The following RIMBP2 variants were observed in gnomAD, a reference collection of about 807,000 sequenced individuals.
RIMBP2 encodes RIMS binding protein 2.
Under a neutral mutation model 118.6 loss-of-function variants are expected in RIMBP2, and 48 were observed. That is an observed-to-expected ratio of 0.40 (90% confidence interval 0.32 to 0.51). The LOEUF (loss-of-function observed/expected upper bound fraction) is 0.51. RIMBP2 is among the 20% of genes least tolerant of loss of function. The probability of loss-of-function intolerance (pLI) is 0.41; values close to 1 mark genes in which losing one functional copy is unlikely to be tolerated. For synonymous variants in RIMBP2, 762 were observed against 742.9 expected (o/e 1.03, Z -0.42); for missense variants, 1,551 against 1,768.3 (o/e 0.88, Z 2.20).
chr12:130,576,885 AGT>A lies in RIMBP2; in HGVS notation c.-217+51435_-217+51436del, dbSNP rs1209563160. ...TATCTCCATGTAGAAAGAGACCGACAGTGTGGCAGGAGTCGCGGGGTGGAACA... is the reference window on the plus strand; with the variant it reads ...TATCTCCATGTAGAAAGAGACCGACAGTGGCAGGAGTCGCGGGGTGGAACA... On this transcript the variant is annotated intron_variant, in intron 2 of 22. Transcript: ENST00000690449. This position sits in a 1 kb window ranked among gnomAD's most constrained non-coding sequence, Gnocchi z 4.2. Among the ~76,000 whole-genome samples, 1 of 152,180 alleles carries A rather than the reference AGT, an allele frequency of 6.6e-6. No homozygotes were observed.
intron 4 of RIMBP2, among the ~76,000 whole-genome samples, chr12:130,496,730 C>T (rs567557374): frequency 2.0e-5 from 3 of 152,150 alleles, no homozygotes; most frequent in Admixed American, 1.3e-4. Context: ...TTCAGGCACA[C>T]CTTTCTCTCA....
chr12:130,447,308 G>A lies in RIMBP2; in HGVS notation c.582-2039C>T, dbSNP rs568105695. Among the ~76,000 whole-genome samples the A allele has an allele frequency of 5.9e-5, 9 of 151,822 alleles. No homozygotes were observed. In the East Asian group the frequency reaches 7.9e-4, roughly 13 times the overall value. On this transcript the variant is annotated intron_variant, in intron 9 of 22. Transcript: ENST00000690449. This position sits in a 1 kb window ranked among gnomAD's most constrained non-coding sequence, Gnocchi z 4.4. ...ACGGAGAAGAAGTGGGAGATCCTAC[G>A]GCTGTCGTGACAACCTCGTCGGTGC...
chr12:130,697,562 T>A (rs574198329), intron 1 of RIMBP2, among the ~76,000 whole-genome samples: 127 of 152,332 alleles, frequency 8.3e-4, no homozygotes, highest in Non-Finnish European at 1.5e-3. Context: ...TTGGCAGGCC[T>A]TGGCAACTGA....
chr12:130,468,112 G>A, intron 6 of RIMBP2, among the ~76,000 whole-genome samples: 1 of 152,182 alleles, frequency 6.6e-6, no homozygotes, highest in East Asian at 1.9e-4. Context: ...CACACCACAG[G>A]TGGTTCTTTG....
At position 130,414,079 on chromosome 12, in the gene RIMBP2, C is replaced by G. The variant is rs770481985; in HGVS notation, c.3420+46G>C. 63 of 1,599,290 alleles carry G rather than the reference C, an allele frequency of 3.9e-5. 1 individual carries two copies. The highest frequency in any genetic ancestry group is 5.3e-5 in the Non-Finnish European group (62 of 1,167,860). The stretch of plus-strand genomic sequence containing the variant: ...CAGTCTCTGCCCCCATGACCCAGAC[C>G]CGCCTCAGGGGCTGATGAAGCCGCC... On this transcript the variant is annotated intron_variant, in intron 18 of 22. Coordinates refer to ENST00000690449, the MANE Select transcript of RIMBP2 (RefSeq NM_001393629.1).
chr12:130,574,962 C>A (rs113159424), intron 2 of RIMBP2, among the ~76,000 whole-genome samples: 45,375 of 121,682 alleles, frequency 0.37, 8,605 homozygotes, highest in Middle Eastern at 0.45. Context: ...GAATCACACC[C>A]CCCACCGCCA....
intron 1 of RIMBP2, among the ~76,000 whole-genome samples, chr12:130,712,742 G>A (rs528720987): frequency 2.0e-5 from 3 of 152,196 alleles, no homozygotes; most frequent in South Asian, 4.1e-4. Context: ...ATGCATGACT[G>A]TATGTGCTGG....
At chr12:130,563,184 C>G (rs1593810909) in intron 2 of RIMBP2, among the ~76,000 whole-genome samples, 1 of 152,238 alleles carries the variant, frequency 6.6e-6, no homozygotes, top group Non-Finnish European at 1.5e-5. Flanking sequence ...CAAGGACCCA[C>G]CCTGTCAATT....
At chr12:130,610,241 C>G (rs1158828472) in intron 2 of RIMBP2, among the ~76,000 whole-genome samples, 1 of 151,944 alleles carries the variant, frequency 6.6e-6, no homozygotes, top group African/African-American at 2.4e-5. Flanking sequence ...AATGGGAAGC[C>G]TGCTCCTCCC....
chr12:130,603,182 G>T (rs2059969654), intron 2 of RIMBP2, among the ~76,000 whole-genome samples: 1 of 152,136 alleles, frequency 6.6e-6, no homozygotes, highest in South Asian at 2.1e-4. Flanking sequence ...GTAAACAATG[G>T]GTTCCCATCA....
chr12:130,466,682 C>T (rs2080507412), intron 6 of RIMBP2, among the ~76,000 whole-genome samples: 1 of 152,192 alleles, frequency 6.6e-6, no homozygotes, highest in Non-Finnish European at 1.5e-5. Context: ...TTTGCACACA[C>T]AGAGATTCCT....
At position 130,441,954 on chromosome 12, in the gene RIMBP2, G is replaced by A. The variant is rs2137166439; in HGVS notation, c.1398C>T (p.Ala466=). ...YQFFNLRPNM[A]YKVKVLAKPH... is the part of the protein sequence containing the mutation. ...GTTTGGCCAGAACCTTCACCTTATA[G>A]GCCATGTTGGGCCTGAGATTGAAGA... Residue 466 remains alanine, a synonymous_variant, in exon 11 of 23, where the codon GCC becomes GCT. Coordinates refer to ENST00000690449, the MANE Select transcript of RIMBP2 (RefSeq NM_001393629.1). 7 of 1,614,082 alleles carry A rather than the reference G, an allele frequency of 4.3e-6. No homozygotes were observed. Among genetic ancestry groups the A allele is most frequent in the Non-Finnish European group, 5.9e-6 (7 of 1,180,042 alleles).
chr12:130,583,700 T>C (rs1392961487), intron 2 of RIMBP2, among the ~76,000 whole-genome samples: 2 of 139,608 alleles, frequency 1.4e-5, no homozygotes, highest in African/African-American at 2.7e-5. Flanking sequence ...CATCACCTCA[T>C]CACCACCACC....
chr12:130,559,532 T>C (rs186725941), intron 2 of RIMBP2, among the ~76,000 whole-genome samples: 109 of 152,344 alleles, frequency 7.2e-4, no homozygotes, highest in Non-Finnish European at 1.0e-3. Context: ...CCGCTGTGTA[T>C]ATACACCACA....
intron 2 of RIMBP2, among the ~76,000 whole-genome samples, chr12:130,615,034 T>C (rs1279951936): frequency 1.3e-5 from 2 of 148,954 alleles, no homozygotes; most frequent in Non-Finnish European, 3.0e-5. Context: ...GTGCAGATAC[T>C]GTGTATGTGT....
At position 130,548,122 on chromosome 12, in the gene RIMBP2, TGACGGAAGACAAGAAGCCCAC is replaced by T. The variant is rs544229615; in HGVS notation, c.-216-30226_-216-30206del. On this transcript the variant is annotated intron_variant, in intron 2 of 22. Transcript: ENST00000690449. The stretch of plus-strand genomic sequence containing the variant: ...CTCTCATTCAAAGCATGAACAGGAG[TGACGGAAGACAAGAAGCCCAC>T]GACGGAAGACAAGAAGCCCACGGCT... Among the ~76,000 whole-genome samples the T allele has an allele frequency of 3.6e-3, 554 of 151,940 alleles. 5 individuals carry two copies. The highest frequency in any genetic ancestry group is 0.012 in the African/African-American group (505 of 41,420).
At chr12:130,458,391 C>T (rs1010000221) in intron 6 of RIMBP2, among the ~76,000 whole-genome samples, 7 of 152,148 alleles carry the variant, frequency 4.6e-5, no homozygotes, top group African/African-American at 1.7e-4. Context: ...AGCCCAGGGA[C>T]AGCTCCGACC....
At chr12:130,645,881 C>G (rs908254373) in intron 1 of RIMBP2, among the ~76,000 whole-genome samples, 2 of 152,166 alleles carry the variant, frequency 1.3e-5, no homozygotes, top group Admixed American at 6.5e-5. Flanking sequence ...TTTAGTCTTC[C>G]TTGCCTAACT....
intron 4 of RIMBP2, among the ~76,000 whole-genome samples, chr12:130,486,468 C>G (rs1293412339): frequency 6.6e-6 from 1 of 151,310 alleles, no homozygotes; most frequent in African/African-American, 2.4e-5. Flanking sequence ...CCGTCCCCCG[C>G]CCCCCCGCCA....
Sources: allele counts gnomAD v4.1 joint callset (sites outside exome capture counted in the v4.1 genomes callset), GRCh38; gene constraint gnomAD v4.1.1; non-coding constraint Gnocchi (gnomAD v3.1); transcripts MANE v1.5; gene names NCBI Gene and HGNC (gene_info 2026-07-23, HGNC 2026-07-21).